The following GABRG3 variants were observed in gnomAD, a reference collection of about 807,000 sequenced individuals.
GABRG3 encodes gamma-aminobutyric acid type A receptor subunit gamma3, also known as gamma-aminobutyric acid receptor subunit gamma-3.
A neutral mutation model predicts 48.8 loss-of-function variants in GABRG3; 25 were observed. The observed-to-expected ratio is 0.51, with a 90% CI of 0.37 to 0.72. The LOEUF (loss-of-function observed/expected upper bound fraction) is 0.72, where lower values mean the gene tolerates loss of function less well. Among genes scored for constraint, GABRG3 ranks in the 30% least tolerant of loss-of-function variants. GABRG3 has a pLI of 0.00. For synonymous variants in GABRG3, 227 were observed against 217.6 expected (o/e 1.04, Z -0.38); for missense variants, 394 against 577.9 (o/e 0.68, Z 3.26).
At position 27,319,353 on chromosome 15, in the gene GABRG3, A is replaced by T. The variant is rs1032760269; in HGVS notation, c.271-7456A>T. ...ATTCATATTGTTGTGAACATTGGGT[A>T]CAGTGGGGCTATGTCAATTATTTGG... On this transcript the variant is annotated intron_variant, in intron 3 of 9. Transcript: ENST00000615808. This position sits in a 1 kb window ranked among gnomAD's most constrained non-coding sequence, Gnocchi z 4.4. 5.9e-5 allele frequency among the ~76,000 whole-genome samples: 9 copies of T among 152,304 alleles called. No homozygotes were observed. The South Asian group carries it at 1.5e-3, about 25-fold the overall frequency.
intron 5 of GABRG3, among the ~76,000 whole-genome samples, chr15:27,410,768 T>C (rs537989068): frequency 2.0e-5 from 3 of 152,266 alleles, no homozygotes; most frequent in East Asian, 3.9e-4. Flanking sequence ...TGTGGAATTC[T>C]TGGTTAGCAG....
At chr15:27,528,089 G>C in intron 9 of GABRG3, 97 bp downstream of exon 9, 1 of 879,784 alleles carries the variant, frequency 1.1e-6, no homozygotes, top group Non-Finnish European at 1.8e-6. Flanking sequence ...TGCATGTATT[G>C]AAGACCAATG....
chr15:27,157,081 G>A (rs929095523), intron 3 of GABRG3, among the ~76,000 whole-genome samples: 2 of 152,158 alleles, frequency 1.3e-5, no homozygotes, highest in African/African-American at 4.8e-5. Flanking sequence ...AGAAGAATAT[G>A]TTATTGGAAA....
intron 3 of GABRG3, chr15:27,271,516 G>C (rs1197103974): frequency 4.4e-6 from 2 of 455,530 alleles, no homozygotes; most frequent in African/African-American, 2.0e-5. Context: ...GAGCCCCCAG[G>C]CCACGCCCTT....
intron 2 of GABRG3, among the ~76,000 whole-genome samples, chr15:27,005,039 G>A (rs1320264017): frequency 1.3e-5 from 2 of 152,236 alleles, no homozygotes; most frequent in East Asian, 1.9e-4. Context: ...TGCAAAGATA[G>A]CATTTTATTT....
Position 27,236,988 on chromosome 15 carries a change from C to G in GABRG3, c.271-89821C>G, listed in dbSNP as rs971000484. On this transcript the variant is annotated intron_variant, in intron 3 of 9. Transcript: ENST00000615808. The surrounding 1 kb of genome is among the most constrained non-coding windows in gnomAD (Gnocchi z 4.4). ...TGCTTCCCAGCCTGCAGGACGGCCACCCGTATGAAATAAAGCTCTCCTTTC... is the reference window on the plus strand; with the variant it reads ...TGCTTCCCAGCCTGCAGGACGGCCAGCCGTATGAAATAAAGCTCTCCTTTC... 1.3e-5 allele frequency among the ~76,000 whole-genome samples: 2 copies of G among 152,230 alleles called. No homozygotes were observed. The highest frequency in any genetic ancestry group is 6.5e-5 in the Admixed American group (1 of 15,286).
chr15:27,218,606 G>C (rs1404016957), intron 3 of GABRG3, among the ~76,000 whole-genome samples: 2 of 152,200 alleles, frequency 1.3e-5, no homozygotes, highest in African/African-American at 2.4e-5. Flanking sequence ...TGACTCAGTT[G>C]AGTGTGGTGT....
At chr15:27,246,157 A>C (rs1044973483) in intron 3 of GABRG3, among the ~76,000 whole-genome samples, 3 of 152,174 alleles carry the variant, frequency 2.0e-5, no homozygotes, top group East Asian at 1.9e-4. Flanking sequence ...ATATTTCAAC[A>C]TGAGATTTGG....
At chr15:27,239,112 A>T (rs1566976295) in intron 3 of GABRG3, among the ~76,000 whole-genome samples, 1 of 152,228 alleles carries the variant, frequency 6.6e-6, no homozygotes, top group South Asian at 2.1e-4. Flanking sequence ...AAGGAAAAAA[A>T]TGAGGAAGAT....
intron 3 of GABRG3, among the ~76,000 whole-genome samples, chr15:27,044,145 A>G (rs1387293290): frequency 6.6e-6 from 1 of 152,192 alleles, no homozygotes; most frequent in African/African-American, 2.4e-5. Context: ...CTTTGGCCAT[A>G]TCTGTTGGTT....
At chr15:26,985,586 C>G (rs913149395) in intron 2 of GABRG3, among the ~76,000 whole-genome samples, 2 of 152,096 alleles carry the variant, frequency 1.3e-5, no homozygotes. Context: ...TGAGGGAGCA[C>G]TGGTCACAGA....
intron 3 of GABRG3, among the ~76,000 whole-genome samples, chr15:27,190,403 C>A (rs376763495): frequency 5.9e-5 from 9 of 152,070 alleles, no homozygotes; most frequent in Admixed American, 1.3e-4. Flanking sequence ...ACAATTTCAG[C>A]TCCTGTTATT....
chr15:27,529,636 C>A (rs1454659792), intron 9 of GABRG3, among the ~76,000 whole-genome samples: 1 of 152,018 alleles, frequency 6.6e-6, no homozygotes, highest in Non-Finnish European at 1.5e-5. Context: ...CGTTAGTGGG[C>A]AAATCACTGT....
At chr15:27,048,700 C>A (rs890546365) in intron 3 of GABRG3, among the ~76,000 whole-genome samples, 9 of 152,156 alleles carry the variant, frequency 5.9e-5, no homozygotes, top group African/African-American at 2.2e-4. Flanking sequence ...TCTTCAATGA[C>A]GATTTGAAAT....
rs150446752 is a variant in GABRG3, at chr15:27,042,084, G to T, written c.270+15263G>T. On this transcript the variant is annotated intron_variant, in intron 3 of 9. Coordinates refer to ENST00000615808, the MANE Select transcript of GABRG3 (RefSeq NM_033223.5). ...GGAGCCCAGGCTGACCTCAGTGAAC[G>T]AGGTTCTCCAAAGGACAGAGCTGCG... 3.0e-3 allele frequency among the ~76,000 whole-genome samples: 451 copies of T among 152,304 alleles called. 1 individual carries two copies. The highest frequency in any genetic ancestry group is 0.01 in the African/African-American group (426 of 41,572).
At chr15:27,479,138 A>C (rs1267328730) in intron 5 of GABRG3, among the ~76,000 whole-genome samples, 3 of 151,342 alleles carry the variant, frequency 2.0e-5, no homozygotes, top group Admixed American at 6.6e-5. Context: ...AAAAAAAAAA[A>C]CCCTGATTTG....
intron 3 of GABRG3, among the ~76,000 whole-genome samples, chr15:27,087,410 C>T (rs1595515661): frequency 1.3e-5 from 2 of 152,326 alleles, no homozygotes; most frequent in South Asian, 4.1e-4. Flanking sequence ...TGTCAGACCG[C>T]CTTGGGGTGC....
intron 1 of GABRG3, among the ~76,000 whole-genome samples, chr15:26,973,388 T>TA (rs1297356141): frequency 6.6e-6 from 1 of 152,226 alleles, no homozygotes; most frequent in African/African-American, 2.4e-5. Context: ...GCAGATCAGT[T>TA]AAAAAATCCA....
chr15:27,130,558 T>C, intron 3 of GABRG3, among the ~76,000 whole-genome samples: 1 of 152,106 alleles, frequency 6.6e-6, no homozygotes, highest in Non-Finnish European at 1.5e-5. Context: ...TCTAGGATTT[T>C]CTTTTCAATG....
Sources: gnomAD v4.1 joint callset for allele counts (sites outside exome capture counted in the v4.1 genomes callset) on GRCh38, gnomAD v4.1.1 for gene constraint, Gnocchi (gnomAD v3.1) non-coding constraint, MANE v1.5 for transcripts, NCBI Gene and HGNC (gene_info 2026-07-23, HGNC 2026-07-21) for gene names.